LRRTM4: variants seen among roughly 807,000 people sequenced by gnomAD.
LRRTM4 encodes leucine rich repeat transmembrane neuronal 4, also known as leucine-rich repeat transmembrane neuronal protein 4.
LRRTM4 carries 25 observed loss-of-function variants against 47.6 expected under a neutral mutation model. That is an observed-to-expected ratio of 0.53 (90% CI 0.38 to 0.73). The LOEUF (loss-of-function observed/expected upper bound fraction) is 0.73. LRRTM4 is among the 30% of genes least tolerant of loss of function. LRRTM4 has a pLI of 0.00. For missense variants in LRRTM4, 638 were observed against 713.4 expected, an observed-to-expected ratio of 0.89 and a Z score of 1.20; for synonymous variants, 311 against 269.5, an observed-to-expected ratio of 1.15 and a Z score of -1.51.
At chr2:77,058,429 A>G (rs560524367) in intron 3 of LRRTM4, among the ~76,000 whole-genome samples, 15 of 152,256 alleles carry the variant, frequency 9.9e-5, no homozygotes, top group African/African-American at 3.6e-4. Context: ...TAGTCAATAT[A>G]AAATAAATCC....
At position 77,207,340 on chromosome 2, in the gene LRRTM4, CAT is replaced by C. The variant is rs1285500508; in HGVS notation, c.1551+310976_1551+310977del. Among the ~76,000 whole-genome samples the C allele has an allele frequency of 3.3e-5, 3 of 90,034 alleles. No individual in the cohort carries two copies. The East Asian group carries it at 1.1e-3, about 33-fold the overall frequency. 59.1% of individuals were successfully genotyped at this position (90,034 alleles called of 152,430 possible). Reference sequence around the variant, plus strand: ...TATGTGTTTATGTTTTTCCTAATTTCATATATGTGTATATATATATATATATA... The same window carrying C: ...TATGTGTTTATGTTTTTCCTAATTTCATATGTGTATATATATATATATATA... On this transcript the variant is annotated intron_variant, in intron 3 of 3. Coordinates refer to ENST00000409884, the MANE Select transcript of LRRTM4 (RefSeq NM_001134745.3).
intron 3 of LRRTM4, among the ~76,000 whole-genome samples, chr2:77,236,712 TTGAG>T (rs1395365907): frequency 6.6e-6 from 1 of 152,100 alleles, no homozygotes; most frequent in Non-Finnish European, 1.5e-5. Context: ...TGTCTAGTTG[TTGAG>T]TGTTTTTATC....
At chr2:77,254,117 A>G (rs1239214875) in intron 3 of LRRTM4, among the ~76,000 whole-genome samples, 1 of 152,020 alleles carries the variant, frequency 6.6e-6, no homozygotes, top group Non-Finnish European at 1.5e-5. Flanking sequence ...CTATAGATAA[A>G]GTAAGCATCT....
In LRRTM4 at chr2:76,990,090, G is replaced by A. The variant is rs1320452614; in HGVS notation, c.1552-241174C>T. 4.0e-5 allele frequency among the ~76,000 whole-genome samples: 6 copies of A among 151,830 alleles called. No individual in the cohort carries two copies. In the South Asian group the frequency reaches 1.0e-3, roughly 26 times the overall value. On this transcript the variant is annotated intron_variant, in intron 3 of 3. Coordinates refer to ENST00000409884, the MANE Select transcript of LRRTM4 (RefSeq NM_001134745.3). ...TTTCTGGGTAAATCTAGAAGGCAATGCCTTAATCACTCTTTACCAGGAAAA... is the reference window on the plus strand; with the variant it reads ...TTTCTGGGTAAATCTAGAAGGCAATACCTTAATCACTCTTTACCAGGAAAA...
chr2:77,019,834 G>A (rs983229827), intron 3 of LRRTM4, among the ~76,000 whole-genome samples: 6 of 152,000 alleles, frequency 3.9e-5, no homozygotes, highest in African/African-American at 1.2e-4. Context: ...ATGTAGCACT[G>A]GCTTTAGTAC....
chr2:77,465,666 C>T (rs1676955825), intron 3 of LRRTM4, among the ~76,000 whole-genome samples: 1 of 152,086 alleles, frequency 6.6e-6, no homozygotes, highest in Non-Finnish European at 1.5e-5. Context: ...CTCCAACCCA[C>T]CTAAACTTGG....
chr2:76,956,365 A>T (rs1330447109), intron 3 of LRRTM4, among the ~76,000 whole-genome samples: 1 of 151,756 alleles, frequency 6.6e-6, no homozygotes, highest in Admixed American at 6.6e-5. Flanking sequence ...AGGGAAAGGT[A>T]AGGGGAACAA....
chr2:76,773,787 A>G (rs766211222), intron 3 of LRRTM4, among the ~76,000 whole-genome samples: 44 of 151,752 alleles, frequency 2.9e-4, no homozygotes, highest in Non-Finnish European at 5.4e-4. Flanking sequence ...AAATTGAACA[A>G]TTCCTCAAAG....
At chr2:77,279,593 G>T (rs2104095734) in intron 3 of LRRTM4, among the ~76,000 whole-genome samples, 1 of 151,782 alleles carries the variant, frequency 6.6e-6, no homozygotes, top group African/African-American at 2.4e-5. Flanking sequence ...TATTGCATTA[G>T]CTTTTATTAT....
chr2:77,114,555 C>A (rs1671336078), intron 3 of LRRTM4, among the ~76,000 whole-genome samples: 1 of 152,126 alleles, frequency 6.6e-6, no homozygotes, highest in South Asian at 2.1e-4. Flanking sequence ...CCCACATGCA[C>A]TTAGGAAAAA....
intron 3 of LRRTM4, among the ~76,000 whole-genome samples, chr2:76,780,930 G>C (rs1256485021): frequency 8.5e-5 from 13 of 152,092 alleles, no homozygotes; most frequent in Admixed American, 8.5e-4. Context: ...ATGTACAGAT[G>C]GGTTTGTGGT....
intron 3 of LRRTM4, among the ~76,000 whole-genome samples, chr2:76,933,533 T>G (rs957483767): frequency 5.9e-5 from 9 of 152,156 alleles, no homozygotes; most frequent in Non-Finnish European, 1.3e-4. Context: ...TTTTTTAGAA[T>G]TGTTTACTAA....
intron 3 of LRRTM4, among the ~76,000 whole-genome samples, chr2:77,153,610 TA>T (rs1414032950): frequency 6.6e-6 from 1 of 152,192 alleles, no homozygotes; most frequent in Non-Finnish European, 1.5e-5. Flanking sequence ...CATGATGAGA[TA>T]TGTTTTTATA....
chr2:77,417,696 A>G (rs1002747016), intron 3 of LRRTM4, among the ~76,000 whole-genome samples: 11 of 144,484 alleles, frequency 7.6e-5, no homozygotes, highest in African/African-American at 2.8e-4. Flanking sequence ...TCCCACTCAT[A>G]GGTGGGAATT....
intron 3 of LRRTM4, chr2:77,516,600 T>A (rs989918279): frequency 1.0e-6 from 1 of 981,762 alleles, no homozygotes; most frequent in African/African-American, 1.7e-5. Flanking sequence ...GAACTTGTGT[T>A]ACTAATACTC....
intron 3 of LRRTM4, among the ~76,000 whole-genome samples, chr2:77,354,973 G>T (rs1671917441): frequency 6.6e-6 from 1 of 152,230 alleles, no homozygotes; most frequent in Non-Finnish European, 1.5e-5. Context: ...AGAAGGGAAT[G>T]AAAACAATTT....
chr2:76,889,206 T>C (rs1188114215), intron 3 of LRRTM4, among the ~76,000 whole-genome samples: 1 of 151,990 alleles, frequency 6.6e-6, no homozygotes, highest in Admixed American at 6.6e-5. Context: ...TGGTGTTATC[T>C]TGATCGCCAT....
intron 3 of LRRTM4, among the ~76,000 whole-genome samples, chr2:76,995,393 C>T (rs141071348): frequency 6.6e-6 from 1 of 152,080 alleles, no homozygotes; most frequent in Non-Finnish European, 1.5e-5. Flanking sequence ...CACCTTGGTT[C>T]TAAATACCTA....
chr2:76,781,223 C>T (rs2104159621), intron 3 of LRRTM4, among the ~76,000 whole-genome samples: 1 of 152,356 alleles, frequency 6.6e-6, no homozygotes. Context: ...TGTGCCCTGC[C>T]CCCAGAGGTG....
Sources: gnomAD v4.1 joint callset for allele counts (sites outside exome capture counted in the v4.1 genomes callset) on GRCh38, gnomAD v4.1.1 for gene constraint, MANE v1.5 for transcripts, NCBI Gene and HGNC (gene_info 2026-07-23, HGNC 2026-07-21) for gene names.